ARV1: variants seen among roughly 807,000 people sequenced by gnomAD.
The protein encoded by ARV1 is ARV1 fatty acid homeostasis modulator.
Under a neutral mutation model 31.1 loss-of-function variants are expected in ARV1, and 26 were observed. That is an observed-to-expected ratio of 0.84 (90% CI 0.61 to 1.16). The LOEUF (loss-of-function observed/expected upper bound fraction) is 1.16. Ranked by LOEUF, ARV1 falls within the 50% of genes most tolerant of loss-of-function variation. The pLI is 0.00. For synonymous variants in ARV1, 117 were observed against 123.2 expected (o/e 0.95, Z 0.34); for missense variants, 281 against 324.9 (o/e 0.86, Z 1.04).
In ARV1 at chr1:230,985,977, C is replaced by T. The variant is rs540357927; in HGVS notation, c.175-2343C>T. Among the ~76,000 whole-genome samples, 13 of 151,344 alleles carry T rather than the reference C, an allele frequency of 8.6e-5. No homozygotes were observed. The East Asian group carries it at 2.5e-3, about 30-fold the overall frequency. On this transcript the variant is annotated intron_variant, in intron 1 of 5. Transcript: ENST00000310256. The stretch of plus-strand genomic sequence containing the variant: ...TGTTGCCCAGGCTGGAGTGCAGTGG[C>T]GTGAACTCAGCTCACTGTAAGCTCC...
At position 230,997,320 on chromosome 1, in the gene ARV1, A is replaced by T. The variant is rs967310598; in HGVS notation, c.*4+53A>T. 2.5e-6 allele frequency: 4 copies of T among 1,575,852 alleles called. No homozygotes were observed. The African/African-American group carries it at 4.1e-5, about 16-fold the overall frequency. The stretch of plus-strand genomic sequence containing the variant: ...TTCAGACATGTAGCCTTCTCAAATA[A>T]GACAGATGTCATTGTAAAAGAAGTC... On this transcript the variant is annotated intron_variant, in intron 5 of 5. Coordinates refer to ENST00000310256, the MANE Select transcript of ARV1 (RefSeq NM_022786.3).
At position 230,995,977 on chromosome 1, in the gene ARV1, A is replaced by G. The variant is rs1463090361; in HGVS notation, c.666A>G (p.Ala222=). ...KVFVLTSNFQ[A]IRVTLNINRK... is the part of the protein sequence containing the mutation. Reference sequence around the variant, plus strand: ...TTGTTCTTACATCAAATTTTCAGGCAATTAGAGGTATGTTTATGTGTTTAT... The same window carrying G: ...TTGTTCTTACATCAAATTTTCAGGCGATTAGAGGTATGTTTATGTGTTTAT... The change falls in exon 4 of 6, where the codon GCA becomes GCG. Residue 222 remains alanine, a synonymous_variant. Transcript: ENST00000310256. The G allele has an allele frequency of 6.2e-7, 1 of 1,611,758 alleles. No homozygotes were observed. Among genetic ancestry groups the G allele is most frequent in the South Asian group, 1.1e-5 (1 of 90,816 alleles).
At chr1:230,999,467 G>T (rs1186251911) in intron 5 of ARV1, among the ~76,000 whole-genome samples, 1 of 152,100 alleles carries the variant, frequency 6.6e-6, no homozygotes, top group Non-Finnish European at 1.5e-5. Context: ...GGAGTTTCTT[G>T]TGTCTTTCTG....
At chr1:230,989,736 G>A (rs1387315796) in intron 2 of ARV1, among the ~76,000 whole-genome samples, 1 of 152,064 alleles carries the variant, frequency 6.6e-6, no homozygotes, top group Non-Finnish European at 1.5e-5. Flanking sequence ...GCTTGATTCT[G>A]TATAAAGGAC....
intron 1 of ARV1, among the ~76,000 whole-genome samples, chr1:230,987,645 A>G (rs1392507372): frequency 6.6e-6 from 1 of 152,226 alleles, no homozygotes; most frequent in Non-Finnish European, 1.5e-5. Flanking sequence ...TGCACAGCCT[A>G]GTTCCTTGCA....
At chr1:230,986,438 G>T (rs895661522) in intron 1 of ARV1, among the ~76,000 whole-genome samples, 3 of 152,014 alleles carry the variant, frequency 2.0e-5, no homozygotes, top group Non-Finnish European at 2.9e-5. Context: ...TAATTAAAAG[G>T]CCAGCCTAGA....
Position 230,979,248 on chromosome 1 carries a change from A to G in ARV1, c.143A>G (p.Tyr48Cys), listed in dbSNP as rs763580706. Residue 48 changes from tyrosine to cysteine, a missense_variant, in exon 1 of 6, where the codon TAT becomes TGT. By Grantham distance (194) the Tyr-to-Cys change is radical. Transcript: ENST00000310256. ...NQEAKELYRD[Y>C]NHGVLKITIC... is the part of the protein sequence containing the mutation. Reference sequence around the variant, plus strand: ...GAGGCCAAAGAGTTGTACCGAGACTATAACCACGGTGTGCTGAAGATAACC... The same window carrying G: ...GAGGCCAAAGAGTTGTACCGAGACTGTAACCACGGTGTGCTGAAGATAACC... 27 of 1,613,238 alleles carry G rather than the reference A, an allele frequency of 1.7e-5. No individual in the cohort carries two copies. The highest frequency in any genetic ancestry group is 1.1e-4 in the African/African-American group (8 of 74,856).
intron 1 of ARV1, among the ~76,000 whole-genome samples, chr1:230,980,326 GT>G (rs59900955): frequency 0.33 from 49,660 of 149,970 alleles, 8,422 homozygotes; most frequent in Middle Eastern, 0.57. Context: ...TCTTATTTCG[GT>G]TTTTTTTTTC....
At position 230,979,128 on chromosome 1, in the gene ARV1, G is replaced by A; in HGVS notation, c.23G>A (p.Gly8Asp). Residue 8 changes from glycine to aspartate, a missense_variant, in exon 1 of 6, where the codon GGC becomes GAC. Coordinates refer to ENST00000310256, the MANE Select transcript of ARV1 (RefSeq NM_022786.3). ...GAAATGGGCAACGGCGGGCGGAGCG[G>A]CCTGCAGCAGGGGAAGGGGAACGTG... MGNGGRS[G>D]LQQGKGNVDG... 3 of 1,606,000 alleles carry A rather than the reference G, an allele frequency of 1.9e-6. No individual in the cohort carries two copies. The highest frequency in any genetic ancestry group is 2.2e-5 in the South Asian group (2 of 90,388).
rs1414734205 is a variant in ARV1 at position 230,979,095 on chromosome 1, G to A, written c.-11G>A. 6.8e-6 allele frequency: 11 copies of A among 1,606,986 alleles called. No homozygotes were observed. The highest frequency in any genetic ancestry group is 9.3e-6 in the Non-Finnish European group (11 of 1,177,296). On this transcript the variant is annotated 5_prime_UTR_variant, in exon 1 of 6. Coordinates refer to ENST00000310256, the MANE Select transcript of ARV1 (RefSeq NM_022786.3). Reference sequence around the variant, plus strand: ...ACAGAATCGGAAGTTCTGGACTGCAGTTGAGTGGAAATGGGCAACGGCGGG... The same window carrying A: ...ACAGAATCGGAAGTTCTGGACTGCAATTGAGTGGAAATGGGCAACGGCGGG...
At chr1:230,995,187 T>A (rs1679325462) in intron 3 of ARV1, among the ~76,000 whole-genome samples, 1 of 152,218 alleles carries the variant, frequency 6.6e-6, no homozygotes, top group Non-Finnish European at 1.5e-5. Flanking sequence ...ATTGCTGCTG[T>A]TAATCTGGAC....
chr1:230,998,394 ATC>A (rs556818385), intron 5 of ARV1, among the ~76,000 whole-genome samples: 106 of 152,202 alleles, frequency 7.0e-4, no homozygotes, highest in African/African-American at 2.1e-3. Flanking sequence ...TGTTGCCTCA[ATC>A]TCTCTTCATG....
rs367572775 is a variant in ARV1 at position 230,986,666 on chromosome 1, CTATTTTTTTTTTTT to C, written c.175-1652_175-1639del. ...TCCACCCACAAATGTAATACTTTTC[CTATTTTTTTTTTTT>C]TTTTTTTTTTTTTTTTTTTTTTTTT... On this transcript the variant is annotated intron_variant, in intron 1 of 5. Transcript: ENST00000310256. Among the ~76,000 whole-genome samples the C allele has an allele frequency of 9.8e-4, 78 of 79,722 alleles. 3 individuals carry two copies. The highest frequency in any genetic ancestry group is 6.8e-3 in the Middle Eastern group (1 of 148). The allele number at this position is 79,722 out of a possible 152,430, so 52.3% of individuals were successfully genotyped here. A position where few individuals can be genotyped will look rare whatever the true frequency, so the allele number is the denominator to read the frequency against.
intron 1 of ARV1, among the ~76,000 whole-genome samples, chr1:230,980,279 G>A (rs1057139358): frequency 1.3e-5 from 2 of 152,032 alleles, no homozygotes; most frequent in African/African-American, 2.4e-5. Context: ...AATTTGTGAC[G>A]ATTAACCTCA....
rs1679140489 is a variant in ARV1 at position 230,988,413 on chromosome 1, C to T, written c.268C>T (p.His90Tyr). The T allele has an allele frequency of 6.3e-7, 1 of 1,580,022 alleles. No individual in the cohort carries two copies. The highest frequency in any genetic ancestry group is 1.8e-5 in the Admixed American group (1 of 56,812). Residue 90 changes from histidine to tyrosine, a missense_variant, in exon 2 of 6, where the codon CAT (histidine) becomes TAT (tyrosine). His to Tyr is a moderately conservative substitution (Grantham distance 83). Coordinates refer to ENST00000310256, the MANE Select transcript of ARV1 (RefSeq NM_022786.3). Reference protein sequence around the residue: ...AILCKAQAYRHILFNTQINIH... With the variant: ...AILCKAQAYRYILFNTQINIH... ...ATTGTGCAAAGCTCAGGCCTACAGA[C>T]ATATTCTTTTCAATACTCAAATAAA...
At chr1:230,986,666 C>CTTTTTTTTTTTTTT (rs1558242688) in intron 1 of ARV1, among the ~76,000 whole-genome samples, 2 of 79,690 alleles carry the variant, frequency 2.5e-5, no homozygotes, top group Non-Finnish European at 5.0e-5. Context: ...AATACTTTTC[C>CTTTTTTTTTTTTTT]TATTTTTTTT....
intron 1 of ARV1, among the ~76,000 whole-genome samples, chr1:230,986,864 C>T (rs1572337575): frequency 1.3e-5 from 2 of 152,014 alleles, no homozygotes; most frequent in African/African-American, 4.8e-5. Flanking sequence ...GCACTTCTCA[C>T]ATACTGTGGC....
intron 4 of ARV1, 87 bp downstream of exon 4, chr1:230,996,071 C>T: frequency 9.6e-7 from 1 of 1,038,906 alleles, no homozygotes; most frequent in Non-Finnish European, 1.4e-6. Flanking sequence ...TTTTATATAA[C>T]CTGTTGAACA....
rs919001275 is a variant in ARV1 at position 231,000,640 on chromosome 1, T to C, written c.*507T>C. 2 of 152,270 alleles carry C rather than the reference T, an allele frequency of 1.3e-5. No individual in the cohort carries two copies. The highest frequency in any genetic ancestry group is 2.9e-5 in the Non-Finnish European group (2 of 68,052). 9.4% of individuals were successfully genotyped at this position (152,270 alleles called of 1,614,324 possible). The stretch of plus-strand genomic sequence containing the variant: ...TCAATAATTAAGGTAATCTTTAAAA[T>C]TGGATGATCCAAAAATAAGTGATAA... On this transcript the variant is annotated 3_prime_UTR_variant, in exon 6 of 6. Coordinates refer to ENST00000310256, the MANE Select transcript of ARV1 (RefSeq NM_022786.3).
Sources: gnomAD v4.1 joint callset for allele counts (sites outside exome capture counted in the v4.1 genomes callset) on GRCh38, gnomAD v4.1.1 for gene constraint, MANE v1.5 for transcripts, NCBI Gene and HGNC (gene_info 2026-07-23, HGNC 2026-07-21) for gene names.